The following CFAP299 variants were observed in gnomAD, a reference collection of about 807,000 sequenced individuals.
CFAP299 encodes cilia and flagella associated protein 299, also known as cilia- and flagella-associated protein 299.
A neutral mutation model predicts 27.0 loss-of-function variants in CFAP299; 21 were observed. The observed-to-expected ratio is 0.78, with a 90% CI of 0.55 to 1.12. CFAP299 has a LOEUF of 1.12. Ranked by LOEUF, CFAP299 falls within the 50% of genes most tolerant of loss-of-function variation. The pLI is 0.00. For missense variants in CFAP299, 310 were observed against 276.6 expected, an observed-to-expected ratio of 1.12 and a Z score of -0.86; for synonymous variants, 104 against 98.1, an observed-to-expected ratio of 1.06 and a Z score of -0.36.
chr4:80,362,426 T>G (rs1723594199), intron 1 of CFAP299, among the ~76,000 whole-genome samples: 1 of 151,972 alleles, frequency 6.6e-6, no homozygotes, highest in Admixed American at 6.6e-5. Context: ...AAAGATACTC[T>G]ATTAATTACC....
At chr4:80,598,637 CA>C (rs893513226) in intron 3 of CFAP299, among the ~76,000 whole-genome samples, 1 of 152,074 alleles carries the variant, frequency 6.6e-6, no homozygotes, top group Non-Finnish European at 1.5e-5. Flanking sequence ...TTTATTCAGG[CA>C]TTCAACATAG....
intron 2 of CFAP299, among the ~76,000 whole-genome samples, chr4:80,536,490 G>A (rs1199167568): frequency 6.6e-6 from 1 of 152,118 alleles, no homozygotes; most frequent in African/African-American, 2.4e-5. Flanking sequence ...AGCCATGAAA[G>A]TGGCATGATG....
intron 4 of CFAP299, among the ~76,000 whole-genome samples, chr4:80,895,119 C>T (rs556989654): frequency 1.3e-5 from 2 of 151,782 alleles, no homozygotes; most frequent in East Asian, 1.9e-4. Context: ...GTTAACAATA[C>T]CCTATTATAT....
chr4:80,589,212 A>G (rs1736598560), intron 3 of CFAP299, among the ~76,000 whole-genome samples: 4 of 152,156 alleles, frequency 2.6e-5, no homozygotes, highest in Admixed American at 1.3e-4. Context: ...TTTCTGGGTG[A>G]CAAAACAAGC....
At chr4:80,587,436 A>G (rs1413582903) in intron 3 of CFAP299, among the ~76,000 whole-genome samples, 1 of 152,122 alleles carries the variant, frequency 6.6e-6, no homozygotes, top group Non-Finnish European at 1.5e-5. Flanking sequence ...TGGATTTTCT[A>G]CTTATCACAA....
At chr4:80,924,755 T>A (rs185183250) in intron 4 of CFAP299, among the ~76,000 whole-genome samples, 55 of 151,572 alleles carry the variant, frequency 3.6e-4, no homozygotes, top group African/African-American at 1.3e-3. Flanking sequence ...CTCTATCAGC[T>A]AGAGTGTTAT....
At chr4:80,750,583 A>G (rs1410542845) in intron 3 of CFAP299, among the ~76,000 whole-genome samples, 1 of 152,178 alleles carries the variant, frequency 6.6e-6, no homozygotes, top group Non-Finnish European at 1.5e-5. Context: ...AATTTATTTC[A>G]TTATCAACTT....
At chr4:80,546,645 CATGATA>C (rs1284837799) in intron 2 of CFAP299, among the ~76,000 whole-genome samples, 1 of 152,146 alleles carries the variant, frequency 6.6e-6, no homozygotes, top group Non-Finnish European at 1.5e-5. Context: ...GTGCTGTCCT[CATGATA>C]ATGAGTTCTT....
intron 3 of CFAP299, among the ~76,000 whole-genome samples, chr4:80,752,282 T>G (rs1354627728): frequency 6.6e-6 from 1 of 151,730 alleles, no homozygotes; most frequent in Non-Finnish European, 1.5e-5. Flanking sequence ...GGTGCTGAAT[T>G]CACTTGCCCC....
chr4:80,910,186 G>A lies in CFAP299; in HGVS notation c.477-34624G>A, dbSNP rs189610730. Among the ~76,000 whole-genome samples the A allele has an allele frequency of 3.3e-5, 5 of 152,244 alleles. No homozygotes were observed. The East Asian group carries it at 7.7e-4, about 23-fold the overall frequency. On this transcript the variant is annotated intron_variant, in intron 4 of 5. Coordinates refer to ENST00000358105, the MANE Select transcript of CFAP299 (RefSeq NM_152770.3). ...ATGAAAACTAGTTATTGTCAACAGA[G>A]CTGGTGAAGTTGCAGAGAAAAGGGA...
chr4:80,564,356 G>A (rs1289741535), intron 2 of CFAP299, among the ~76,000 whole-genome samples: 4 of 151,958 alleles, frequency 2.6e-5, no homozygotes, highest in African/African-American at 9.7e-5. Flanking sequence ...TTATCCCTAG[G>A]ATGCAAAGAT....
chr4:80,851,229 G>A (rs1312936950), intron 3 of CFAP299, among the ~76,000 whole-genome samples: 5 of 152,066 alleles, frequency 3.3e-5, no homozygotes, highest in East Asian at 3.9e-4. Context: ...TATATAAAGA[G>A]GATCCAGTAA....
intron 3 of CFAP299, among the ~76,000 whole-genome samples, chr4:80,644,883 A>G (rs1399738017): frequency 6.6e-6 from 1 of 152,214 alleles, no homozygotes; most frequent in Non-Finnish European, 1.5e-5. Context: ...ATGAGCAGAA[A>G]AAAAGAATAT....
At chr4:80,773,941 T>C (rs1726369686) in intron 3 of CFAP299, among the ~76,000 whole-genome samples, 1 of 152,058 alleles carries the variant, frequency 6.6e-6, no homozygotes, top group African/African-American at 2.4e-5. Context: ...TTGAAATACT[T>C]CAAAAGAAAG....
intron 2 of CFAP299, among the ~76,000 whole-genome samples, chr4:80,442,440 C>T (rs1370422164): frequency 2.6e-5 from 4 of 152,158 alleles, no homozygotes; most frequent in African/African-American, 9.6e-5. Flanking sequence ...ACTGAACAAC[C>T]TACTCCTGAA....
intron 2 of CFAP299, among the ~76,000 whole-genome samples, chr4:80,393,417 G>A (rs2110039376): frequency 6.6e-6 from 1 of 152,062 alleles, no homozygotes; most frequent in South Asian, 2.1e-4. Context: ...TAACGTGTTA[G>A]GCTTTCACAT....
chr4:80,410,836 C>G (rs1291274613), intron 2 of CFAP299, among the ~76,000 whole-genome samples: 1 of 151,954 alleles, frequency 6.6e-6, no homozygotes, highest in African/African-American at 2.4e-5. Flanking sequence ...AAACCTTGGC[C>G]TGCTTGTCTG....
At chr4:80,866,057 T>TA (rs1732710085) in intron 3 of CFAP299, among the ~76,000 whole-genome samples, 2 of 24,578 alleles carry the variant, frequency 8.1e-5, no homozygotes, top group African/African-American at 1.6e-4. Context: ...GAACTTAAAG[T>TA]ATTATATATA....
chr4:80,934,320 AT>A (rs1408497384), intron 4 of CFAP299, among the ~76,000 whole-genome samples: 1 of 152,066 alleles, frequency 6.6e-6, no homozygotes, highest in East Asian at 1.9e-4. Flanking sequence ...GTTTGCTATT[AT>A]TTTGTTGAAG....
Sources: gnomAD v4.1 joint callset for allele counts (sites outside exome capture counted in the v4.1 genomes callset) on GRCh38, gnomAD v4.1.1 for gene constraint, MANE v1.5 for transcripts, NCBI Gene and HGNC (gene_info 2026-07-23, HGNC 2026-07-21) for gene names.